Variants in PCDH15 observed in about 807,000 individuals in gnomAD.
The protein encoded by PCDH15 is protocadherin-15.
Under a neutral mutation model 178.5 loss-of-function variants are expected in PCDH15, and 129 were observed. The observed-to-expected ratio is 0.72, with a 90% CI of 0.63 to 0.84. The LOEUF (loss-of-function observed/expected upper bound fraction) is 0.84, where lower values mean the gene tolerates loss of function less well. PCDH15 is among the 40% of genes least tolerant of loss of function. The pLI is 0.00. For missense variants in PCDH15, 2,230 were observed against 2,099.9 expected (o/e 1.06, Z -1.21); for synonymous variants, 800 against 732.0 (o/e 1.09, Z -1.50).
chr10:55,073,454 T>C (rs1014778767), intron 2 of PCDH15, among the ~76,000 whole-genome samples: 29 of 152,048 alleles, frequency 1.9e-4, no homozygotes, highest in African/African-American at 6.8e-4. Flanking sequence ...TATACACCAA[T>C]AACAGACAAA....
intron 36 of PCDH15, among the ~76,000 whole-genome samples, chr10:53,810,923 C>A (rs1036775561): frequency 1.3e-5 from 2 of 152,078 alleles, no homozygotes; most frequent in Non-Finnish European, 2.9e-5. Flanking sequence ...TTTGGAGAAA[C>A]TAGAACGAGA....
intron 18 of PCDH15, among the ~76,000 whole-genome samples, chr10:54,036,574 T>C (rs770887707): frequency 1.6e-4 from 25 of 151,766 alleles, no homozygotes; most frequent in Non-Finnish European, 3.4e-4. Context: ...TGAGTCCTAC[T>C]GCTCAGGAAA....
intron 2 of PCDH15, among the ~76,000 whole-genome samples, chr10:54,993,578 T>G (rs749812569): frequency 2.0e-5 from 3 of 152,046 alleles, no homozygotes; most frequent in Non-Finnish European, 1.5e-5. Flanking sequence ...GGACAGCTAC[T>G]CAAATTCACA....
chr10:53,985,317 CAGA>C (rs1435929570), intron 21 of PCDH15, among the ~76,000 whole-genome samples: 6 of 152,118 alleles, frequency 3.9e-5, no homozygotes, highest in Non-Finnish European at 8.8e-5. Context: ...CCTGCTGCAC[CAGA>C]AGTTCACAGG....
At chr10:55,222,026 C>A (rs1266386258) in intron 1 of PCDH15, among the ~76,000 whole-genome samples, 1 of 150,540 alleles carries the variant, frequency 6.6e-6, no homozygotes, top group Non-Finnish European at 1.5e-5. Context: ...GCCACCACAC[C>A]CGGCTAATTT....
chr10:54,474,129 A>T (rs866627651), intron 3 of PCDH15, among the ~76,000 whole-genome samples: 10 of 152,098 alleles, frequency 6.6e-5, no homozygotes, highest in Middle Eastern at 6.9e-3. Flanking sequence ...AATAATGAAT[A>T]TGCTATTTTT....
upstream of PCDH15, among the ~76,000 whole-genome samples, chr10:55,323,777 G>T (rs1843963248): frequency 6.6e-6 from 1 of 152,180 alleles, no homozygotes; most frequent in Non-Finnish European, 1.5e-5. Context: ...GGAGTTTTGA[G>T]TTAATGCTGA....
At chr10:54,356,378 A>T (rs1358219634) in intron 5 of PCDH15, among the ~76,000 whole-genome samples, 1 of 152,036 alleles carries the variant, frequency 6.6e-6, no homozygotes, top group Admixed American at 6.6e-5. Flanking sequence ...GACTAAAAAA[A>T]TTGAAAACTA....
At chr10:55,283,097 T>C (rs1842773486) in intron 1 of PCDH15, among the ~76,000 whole-genome samples, 1 of 152,194 alleles carries the variant, frequency 6.6e-6, no homozygotes, top group Non-Finnish European at 1.5e-5. Context: ...AGCTGGAGGC[T>C]GTAAGTTTCC....
At chr10:53,951,025 T>C (rs2086981456) in intron 23 of PCDH15, among the ~76,000 whole-genome samples, 1 of 152,194 alleles carries the variant, frequency 6.6e-6, no homozygotes, top group Non-Finnish European at 1.5e-5. Flanking sequence ...TCCTAAGGGC[T>C]GCTTAAGGAG....
At chr10:54,809,389 CAA>C (rs893896918) in intron 3 of PCDH15, among the ~76,000 whole-genome samples, 2 of 151,958 alleles carry the variant, frequency 1.3e-5, no homozygotes, top group African/African-American at 4.8e-5. Flanking sequence ...TGGGGAAGTT[CAA>C]AAAAGACATT....
At chr10:54,109,766 A>T (rs2094981896) in intron 15 of PCDH15, among the ~76,000 whole-genome samples, 2 of 152,146 alleles carry the variant, frequency 1.3e-5, no homozygotes, top group African/African-American at 4.8e-5. Context: ...AATGAATAAG[A>T]CTTAGTATTT....
At chr10:55,327,321 T>A (rs1441090163) in intron 2 of PCDH15, among the ~76,000 whole-genome samples, 2 of 152,098 alleles carry the variant, frequency 1.3e-5, no homozygotes, top group Non-Finnish European at 2.9e-5. Context: ...TTCTTCTGTT[T>A]ATAAGTCATT....
At chr10:55,037,107 GA>G (rs1840753924) in intron 2 of PCDH15, among the ~76,000 whole-genome samples, 1 of 152,154 alleles carries the variant, frequency 6.6e-6, no homozygotes, top group Admixed American at 6.5e-5. Context: ...ATTTTCCAAA[GA>G]GTTGGAAGGT....
intron 26 of PCDH15, among the ~76,000 whole-genome samples, chr10:53,878,761 G>A (rs976397408): frequency 1.3e-5 from 2 of 151,914 alleles, no homozygotes; most frequent in Non-Finnish European, 2.9e-5. Flanking sequence ...GGTACCACGT[G>A]CAGTCAGTGG....
chr10:54,380,999 G>A (rs1479674236), intron 3 of PCDH15, among the ~76,000 whole-genome samples: 1 of 150,872 alleles, frequency 6.6e-6, no homozygotes, highest in Non-Finnish European at 1.5e-5. Context: ...CTGCTGGTGT[G>A]TTGAAAGAGT....
In PCDH15 at chr10:55,315,947, C is replaced by A. The variant is rs554907142; in HGVS notation, c.-156+3652G>T. Among the ~76,000 whole-genome samples, 141 of 152,248 alleles carry A rather than the reference C, an allele frequency of 9.3e-4. 2 individuals are homozygous for A. In the South Asian group the frequency reaches 0.012, roughly 13 times the overall value. ...AGGAGAATCACTTGAACCTGGGAGG[C>A]AGAGGTTGCAGTGAGCCTAGACTGC... On this transcript the variant is annotated intron_variant, in intron 1 of 5. Transcript: ENST00000458638.
At chr10:54,057,138 G>A (rs1164680559) in intron 18 of PCDH15, among the ~76,000 whole-genome samples, 6 of 152,140 alleles carry the variant, frequency 3.9e-5, no homozygotes, top group African/African-American at 9.7e-5. Context: ...GAGTGTCTGC[G>A]ACTTGCCAGG....
intron 2 of PCDH15, among the ~76,000 whole-genome samples, chr10:55,068,956 G>A (rs980524557): frequency 5.9e-5 from 9 of 152,010 alleles, no homozygotes; most frequent in African/African-American, 1.9e-4. Context: ...AGAGTGCAGT[G>A]GTGCAGTCTG....
Sources: gnomAD v4.1 joint callset for allele counts (sites outside exome capture counted in the v4.1 genomes callset) on GRCh38, gnomAD v4.1.1 for gene constraint, MANE v1.5 for transcripts, NCBI Gene and HGNC (gene_info 2026-07-23, HGNC 2026-07-21) for gene names.